SND1: variants seen among roughly 807,000 people sequenced by gnomAD.
The protein encoded by SND1 is staphylococcal nuclease domain-containing protein 1.
Under a neutral mutation model 121.7 loss-of-function variants are expected in SND1, and 38 were observed. The ratio of observed to expected loss-of-function variants is 0.31; its 90% CI spans 0.24 to 0.41. SND1 has a LOEUF of 0.41. Ranked by LOEUF, SND1 falls within the 10% of genes least tolerant of loss-of-function variation. SND1 has a pLI of 1.00. For synonymous variants in SND1, 401 were observed against 447.4 expected (o/e 0.90, Z 1.31); for missense variants, 868 against 1,184.6 (o/e 0.73, Z 3.92).
intron 14 of SND1, among the ~76,000 whole-genome samples, chr7:127,920,887 A>G (rs1017254538): frequency 2.0e-5 from 3 of 152,090 alleles, no homozygotes; most frequent in African/African-American, 7.2e-5. Flanking sequence ...ATTCTCTAGA[A>G]TAAGCCAAGG....
intron 16 of SND1, among the ~76,000 whole-genome samples, chr7:128,051,218 CCT>C (rs1405649005): frequency 2.0e-5 from 3 of 152,184 alleles, no homozygotes; most frequent in Non-Finnish European, 4.4e-5. Flanking sequence ...TGTTTCTGCC[CCT>C]GAGTCCACCC....
chr7:127,844,559 C>G (rs1799022841), intron 12 of SND1, 135 bp downstream of exon 12: 1 of 615,412 alleles, frequency 1.6e-6, no homozygotes, highest in Non-Finnish European at 2.8e-6. Context: ...AATTTTGTGC[C>G]TGTGTAGCAC....
rs1189700683 is a variant in SND1 at position 128,015,008 on chromosome 7, T to C, written c.1779+23952T>C. ...AAGCTTTAAGTCCTTATTCGTGCTC[T>C]GCCTACTTGGCTGGCTGTTCTTGCA... On this transcript the variant is annotated intron_variant, in intron 16 of 23. Transcript: ENST00000354725. The surrounding 1 kb of genome is among the most constrained non-coding windows in gnomAD (Gnocchi z 4.5). 6.6e-6 allele frequency among the ~76,000 whole-genome samples: 1 copy of C among 152,250 alleles called. No individual in the cohort carries two copies. Among genetic ancestry groups the C allele is most frequent in the African/African-American group, 2.4e-5 (1 of 41,476 alleles).
intron 10 of SND1, among the ~76,000 whole-genome samples, chr7:127,791,820 TCCGTTAAC>T (rs1563014851): frequency 6.6e-6 from 1 of 152,222 alleles, no homozygotes; most frequent in African/African-American, 2.4e-5. Context: ...ATTTGCCATC[TCCGTTAAC>T]CCTTACTTTA....
chr7:127,802,710 T>G (rs1798157502), intron 10 of SND1, among the ~76,000 whole-genome samples: 1 of 152,186 alleles, frequency 6.6e-6, no homozygotes, highest in Non-Finnish European at 1.5e-5. Context: ...CAACTGCCCA[T>G]TCAACATCTC....
chr7:128,054,053 G>A (rs977101569), intron 16 of SND1, among the ~76,000 whole-genome samples: 5 of 152,220 alleles, frequency 3.3e-5, no homozygotes, highest in African/African-American at 1.2e-4. Flanking sequence ...ACTGATCGCC[G>A]CTAAGGCCAC....
intron 16 of SND1, among the ~76,000 whole-genome samples, chr7:128,070,125 C>T (rs1161565532): frequency 6.6e-6 from 1 of 152,232 alleles, no homozygotes; most frequent in East Asian, 1.9e-4. Context: ...GTCACATTGA[C>T]CTTCAAGCCT....
chr7:127,882,005 C>G (rs902945351), intron 12 of SND1, among the ~76,000 whole-genome samples: 1 of 152,118 alleles, frequency 6.6e-6, no homozygotes, highest in African/African-American at 2.4e-5. Flanking sequence ...GTAATCTCAG[C>G]ACTTTGGGAG....
At chr7:127,995,112 T>C (rs1802617474) in intron 16 of SND1, among the ~76,000 whole-genome samples, 1 of 152,252 alleles carries the variant, frequency 6.6e-6, no homozygotes, top group Non-Finnish European at 1.5e-5. Flanking sequence ...CTATATGGCT[T>C]GCAAAGCCTA....
intron 15 of SND1, among the ~76,000 whole-genome samples, chr7:127,975,465 G>T (rs1274755989): frequency 6.6e-6 from 1 of 150,384 alleles, no homozygotes; most frequent in African/African-American, 2.5e-5. Flanking sequence ...GTGTAAGAGA[G>T]ATTGACTCCC....
chr7:128,083,165 C>T (rs547185962), intron 18 of SND1, among the ~76,000 whole-genome samples: 3 of 152,334 alleles, frequency 2.0e-5, no homozygotes, highest in Non-Finnish European at 2.9e-5. Flanking sequence ...TAGAGTCTGT[C>T]TTCAAGAGGG....
At chr7:127,769,135 G>T (rs1407246180) in intron 10 of SND1, among the ~76,000 whole-genome samples, 2 of 152,200 alleles carry the variant, frequency 1.3e-5, no homozygotes, top group Non-Finnish European at 2.9e-5. Context: ...CTGAACTGGG[G>T]ATAGTGAGGT....
At chr7:127,733,049 T>G (rs1330095693) in intron 10 of SND1, among the ~76,000 whole-genome samples, 10 of 152,194 alleles carry the variant, frequency 6.6e-5, no homozygotes, top group Admixed American at 4.6e-4. Flanking sequence ...TTTTTCAGCT[T>G]CTTTCTCATT....
At chr7:127,863,606 T>C (rs545793073) in intron 12 of SND1, among the ~76,000 whole-genome samples, 1 of 152,316 alleles carries the variant, frequency 6.6e-6, no homozygotes, top group Non-Finnish European at 1.5e-5. Context: ...TAGCTAACTT[T>C]TTTTTACACA....
intron 10 of SND1, among the ~76,000 whole-genome samples, chr7:127,801,510 C>T (rs1362688522): frequency 6.6e-6 from 1 of 152,132 alleles, no homozygotes; most frequent in Non-Finnish European, 1.5e-5. Context: ...TCTATCCACC[C>T]ACCTACTGGA....
Position 127,696,304 on chromosome 7 carries a change from C to T in SND1, c.349+1356C>T, listed in dbSNP as rs901924545. Among the ~76,000 whole-genome samples the T allele has an allele frequency of 2.6e-5, 4 of 152,246 alleles. No individual in the cohort carries two copies. The East Asian group carries it at 7.7e-4, about 29-fold the overall frequency. ...TTGAGGCATCTTGTTCGATTTCCTA[C>T]CTAGTAGAGAAATACCTCTTTTTAG... On this transcript the variant is annotated intron_variant, in intron 3 of 23. Coordinates refer to ENST00000354725, the MANE Select transcript of SND1 (RefSeq NM_014390.4).
At chr7:127,693,885 C>G (rs1456823009) in intron 2 of SND1, among the ~76,000 whole-genome samples, 1 of 152,160 alleles carries the variant, frequency 6.6e-6, no homozygotes, top group Non-Finnish European at 1.5e-5. Context: ...GTGCCAATGG[C>G]TTCAGAGGAG....
intron 16 of SND1, among the ~76,000 whole-genome samples, chr7:128,001,448 A>G (rs1443702455): frequency 6.6e-6 from 1 of 152,196 alleles, no homozygotes; most frequent in Non-Finnish European, 1.5e-5. Context: ...TTAGAATTTA[A>G]TATGAACGCT....
At position 128,087,021 on chromosome 7, in the gene SND1, T is replaced by C. The variant is rs147173889; in HGVS notation, c.2388T>C (p.Tyr796=). ...TGCTGCCAGCTCAAGCCACGGAGTA[T>C]GCCTTCGCCTTCATCCAGGTGCCCC... The part of the protein sequence containing the change: ...TRVLPAQATE[Y]AFAFIQVPQD... The change falls in exon 21 of 24, where the codon TAT becomes TAC. Residue 796 remains tyrosine (Y), a synonymous_variant. Transcript: ENST00000354725. 6.2e-6 allele frequency: 10 copies of C among 1,614,074 alleles called. No individual in the cohort carries two copies. In the African/African-American group the frequency reaches 1.2e-4, roughly 19 times the overall value.
Sources: allele counts gnomAD v4.1 joint callset (sites outside exome capture counted in the v4.1 genomes callset), GRCh38; gene constraint gnomAD v4.1.1; non-coding constraint Gnocchi (gnomAD v3.1); transcripts MANE v1.5; gene names NCBI Gene and HGNC (gene_info 2026-07-23, HGNC 2026-07-21).